The following GRHL2 variants were observed in gnomAD, a reference collection of about 807,000 sequenced individuals.
The protein encoded by GRHL2 is grainyhead-like protein 2 homolog.
A neutral mutation model predicts 83.8 loss-of-function variants in GRHL2; 21 were observed. That is an observed-to-expected ratio of 0.25 (90% CI 0.18 to 0.36). The LOEUF is 0.36. Ranked by LOEUF, GRHL2 falls within the 10% of genes least tolerant of loss-of-function variation. The pLI, the probability that GRHL2 is intolerant of heterozygous loss-of-function variation, is 1.00. For missense variants in GRHL2, 623 were observed against 781.8 expected (o/e 0.80, Z 2.42); for synonymous variants, 280 against 278.9 (o/e 1.00, Z -0.04).
intron 9 of GRHL2, among the ~76,000 whole-genome samples, chr8:101,630,355 T>G (rs1813161744): frequency 6.6e-6 from 1 of 152,246 alleles, no homozygotes; most frequent in Admixed American, 6.5e-5. Flanking sequence ...GTGAATTGCC[T>G]ATTTCATGAC....
At chr8:101,535,421 A>G (rs771034434) in intron 1 of GRHL2, among the ~76,000 whole-genome samples, 3 of 152,208 alleles carry the variant, frequency 2.0e-5, no homozygotes, top group Non-Finnish European at 4.4e-5. Context: ...AATCCAAGGC[A>G]GGACAAAGGC....
intron 2 of GRHL2, among the ~76,000 whole-genome samples, chr8:101,548,973 A>G (rs1415604536): frequency 6.6e-6 from 1 of 152,162 alleles, no homozygotes; most frequent in Non-Finnish European, 1.5e-5. Flanking sequence ...TCATTGATCA[A>G]TTGATTCTTT....
intron 1 of GRHL2, among the ~76,000 whole-genome samples, chr8:101,509,951 G>A (rs1810430286): frequency 6.6e-6 from 1 of 151,842 alleles, no homozygotes; most frequent in Non-Finnish European, 1.5e-5. Context: ...GTAAATGAAG[G>A]GTAATCTTTA....
At chr8:101,601,540 GGT>G (rs1412992531) in intron 8 of GRHL2, among the ~76,000 whole-genome samples, 9 of 152,104 alleles carry the variant, frequency 5.9e-5, no homozygotes, top group South Asian at 2.1e-4. Flanking sequence ...TGTGCTTGTG[GGT>G]GTACATGTGA....
intron 3 of GRHL2, among the ~76,000 whole-genome samples, chr8:101,554,118 C>A (rs1443331892): frequency 6.6e-6 from 1 of 152,170 alleles, no homozygotes; most frequent in Non-Finnish European, 1.5e-5. Context: ...CTGTGATTAG[C>A]AGCAGGGGCC....
chr8:101,555,587 C>T (rs1563578007), intron 3 of GRHL2, among the ~76,000 whole-genome samples: 1 of 152,052 alleles, frequency 6.6e-6, no homozygotes, highest in Non-Finnish European at 1.5e-5. Context: ...TTGGCATCCT[C>T]CAACTAGCTG....
chr8:101,644,795 C>T (rs1813475699), intron 13 of GRHL2, among the ~76,000 whole-genome samples: 1 of 152,068 alleles, frequency 6.6e-6, no homozygotes. Flanking sequence ...CCCTCAGTAT[C>T]CTGCTGCAGC....
chr8:101,674,731 A>C, the GRHL2 span, among the ~76,000 whole-genome samples: 3 of 152,152 alleles, frequency 2.0e-5, no homozygotes, highest in Admixed American at 6.5e-5. Flanking sequence ...ATCCTGATAC[A>C]AAAGACTGGC....
At chr8:101,677,023 G>A in the GRHL2 span, among the ~76,000 whole-genome samples, 1 of 151,814 alleles carries the variant, frequency 6.6e-6, no homozygotes, top group Non-Finnish European at 1.5e-5. Context: ...AGAACACATG[G>A]ACACAGGAAG....
chr8:101,514,913 C>G (rs529428156), intron 1 of GRHL2, among the ~76,000 whole-genome samples: 32 of 151,856 alleles, frequency 2.1e-4, no homozygotes, highest in African/African-American at 7.7e-4. Flanking sequence ...TTCTCTTCCT[C>G]CTTGTTCTTT....
intron 1 of GRHL2, among the ~76,000 whole-genome samples, chr8:101,515,489 C>A (rs1055670996): frequency 3.9e-5 from 6 of 152,170 alleles, no homozygotes; most frequent in Non-Finnish European, 5.9e-5. Flanking sequence ...TCTCTCCTGC[C>A]ATTTCTGCTC....
At chr8:101,505,947 C>G (rs1289459970) in intron 1 of GRHL2, among the ~76,000 whole-genome samples, 1 of 152,168 alleles carries the variant, frequency 6.6e-6, no homozygotes, top group Non-Finnish European at 1.5e-5. Flanking sequence ...TGCAGCGTAT[C>G]CAAGTGTGCT....
intron 1 of GRHL2, among the ~76,000 whole-genome samples, chr8:101,541,931 T>A (rs1308966170): frequency 6.6e-6 from 1 of 152,230 alleles, no homozygotes; most frequent in Non-Finnish European, 1.5e-5. Context: ...TCACTTTCCA[T>A]GATGGTCTTT....
chr8:101,672,866 C>T (rs1170459018), downstream of GRHL2, among the ~76,000 whole-genome samples: 2 of 151,028 alleles, frequency 1.3e-5, no homozygotes, highest in South Asian at 2.2e-4. Flanking sequence ...CGGCAGAAAC[C>T]CTACAAGCCA....
intron 13 of GRHL2, among the ~76,000 whole-genome samples, chr8:101,646,001 G>A (rs1054527415): frequency 6.6e-6 from 1 of 152,104 alleles, no homozygotes; most frequent in Non-Finnish European, 1.5e-5. Context: ...AGCCTCCTGA[G>A]TAGCTGGGAC....
At chr8:101,632,724 C>A (rs981525682) in intron 11 of GRHL2, among the ~76,000 whole-genome samples, 20 of 152,198 alleles carry the variant, frequency 1.3e-4, no homozygotes, top group Non-Finnish European at 2.6e-4. Context: ...TTGAACTGCA[C>A]CTGTAACTGC....
chr8:101,496,036 T>A (rs1563549862), intron 1 of GRHL2, among the ~76,000 whole-genome samples: 1 of 151,070 alleles, frequency 6.6e-6, no homozygotes, highest in Non-Finnish European at 1.5e-5. Flanking sequence ...TAATCTCAGC[T>A]ACTTGGGAGG....
Position 101,666,710 on chromosome 8 carries a change from G to A in GRHL2, c.*7G>A. 1 of 1,567,812 alleles carries A rather than the reference G, an allele frequency of 6.4e-7. No homozygotes were observed. Among genetic ancestry groups the A allele is most frequent in the Non-Finnish European group, 8.8e-7 (1 of 1,137,870 alleles). ...CACGCTCATGGAAATCTAGCCCTGG[G>A]TTTGGCATCCGCTTTGGCTGGAGCT... On this transcript the variant is annotated 3_prime_UTR_variant, in exon 16 of 16. Coordinates refer to ENST00000646743, the MANE Select transcript of GRHL2 (RefSeq NM_024915.4).
chr8:101,528,966 A>G (rs1341653134), intron 1 of GRHL2: 5 of 322,614 alleles, frequency 1.5e-5, no homozygotes, highest in Non-Finnish European at 2.4e-5. Flanking sequence ...TCACGGGTAC[A>G]TGGACTTGTT....
Sources: allele counts gnomAD v4.1 joint callset (sites outside exome capture counted in the v4.1 genomes callset), GRCh38; gene constraint gnomAD v4.1.1; transcripts MANE v1.5; gene names NCBI Gene and HGNC (gene_info 2026-07-23, HGNC 2026-07-21).